Variants in PEBP4 observed in about 807,000 individuals in gnomAD.
The protein encoded by PEBP4 is phosphatidylethanolamine-binding protein 4.
PEBP4 carries 22 observed loss-of-function variants against 23.9 expected under a neutral mutation model. That is an observed-to-expected ratio of 0.92 (90% CI 0.66 to 1.31). The LOEUF is 1.31. Ranked by LOEUF, PEBP4 falls within the 40% of genes most tolerant of loss-of-function variation. PEBP4 has a pLI of 0.00. For synonymous variants in PEBP4, 112 were observed against 99.3 expected (o/e 1.13, Z -0.76); for missense variants, 324 against 281.7 (o/e 1.15, Z -1.07).
intron 1 of PEBP4, 45 bp from the exon 2 acceptor site, chr8:22,927,765 C>A (rs770071784): frequency 7.5e-6 from 12 of 1,608,114 alleles, no homozygotes; most frequent in East Asian, 2.2e-5. Context: ...CCTGCAGGGG[C>A]CTTCCTGCCC....
rs1019646208 is a variant in PEBP4 at position 22,775,808 on chromosome 8, G to A, written c.357+41829C>T. Among the ~76,000 whole-genome samples, 4 of 152,144 alleles carry A rather than the reference G, an allele frequency of 2.6e-5. No homozygotes were observed. Among genetic ancestry groups the A allele is most frequent in the African/African-American group, 4.8e-5 (2 of 41,440 alleles). On this transcript the variant is annotated intron_variant, in intron 4 of 6. Coordinates refer to ENST00000256404, the MANE Select transcript of PEBP4 (RefSeq NM_144962.3). The surrounding 1 kb of genome is among the most constrained non-coding windows in gnomAD (Gnocchi z 4.8). ...GTTGGGGAGGCGGGTTCTCCAGGCTGGAAGGGCTTCCGGAATCTCTGAGTG... is the reference window on the plus strand; with the variant it reads ...GTTGGGGAGGCGGGTTCTCCAGGCTAGAAGGGCTTCCGGAATCTCTGAGTG...
intron 4 of PEBP4, among the ~76,000 whole-genome samples, chr8:22,728,559 T>TTCCTTCCTTCCTTCCTTCCTC: frequency 1.0e-5 from 1 of 96,364 alleles, no homozygotes; most frequent in African/African-American, 4.6e-5. Context: ...TTTCTTTCTT[T>TTCCTTCCTTCCTTCCTTCCTC]CTTCCTTCCT....
intron 3 of PEBP4, among the ~76,000 whole-genome samples, chr8:22,832,090 A>G (rs1807095006): frequency 6.6e-6 from 1 of 152,166 alleles, no homozygotes; most frequent in South Asian, 2.1e-4. Context: ...TAGCAGACCA[A>G]TTCGTGTGAG....
At chr8:22,718,004 A>G (rs773695929) in intron 6 of PEBP4, among the ~76,000 whole-genome samples, 1 of 152,162 alleles carries the variant, frequency 6.6e-6, no homozygotes, top group African/African-American at 2.4e-5. Context: ...AATGACATCC[A>G]GAGACTTCCA....
chr8:22,745,218 A>G (rs1439719759), intron 4 of PEBP4, among the ~76,000 whole-genome samples: 1 of 152,148 alleles, frequency 6.6e-6, no homozygotes, highest in East Asian at 1.9e-4. Flanking sequence ...AAAGCTTTTG[A>G]GACAGGGACA....
intron 2 of PEBP4, among the ~76,000 whole-genome samples, chr8:22,926,157 T>C (rs1203259111): frequency 6.6e-6 from 1 of 151,886 alleles, no homozygotes; most frequent in Non-Finnish European, 1.5e-5. Flanking sequence ...TTTTTATTTT[T>C]AGTAGAGACA....
chr8:22,918,135 G>C (rs568327422), intron 3 of PEBP4, among the ~76,000 whole-genome samples: 1 of 152,192 alleles, frequency 6.6e-6, no homozygotes, highest in South Asian at 2.1e-4. Flanking sequence ...TGAAAGGTCC[G>C]AGTAGTGCCC....
intron 3 of PEBP4, among the ~76,000 whole-genome samples, chr8:22,833,551 C>T (rs1320447298): frequency 6.6e-6 from 1 of 152,134 alleles, no homozygotes; most frequent in Admixed American, 6.5e-5. Context: ...AGGCTAGCCT[C>T]GAACTCCTGA....
intron 3 of PEBP4, among the ~76,000 whole-genome samples, chr8:22,839,062 T>TA (rs1807267636): frequency 6.6e-6 from 1 of 152,170 alleles, no homozygotes; most frequent in Admixed American, 6.5e-5. Context: ...AAAAAAGTGT[T>TA]AAAAAATAAC....
intron 4 of PEBP4, among the ~76,000 whole-genome samples, chr8:22,765,900 C>G (rs1038966553): frequency 2.7e-5 from 4 of 150,258 alleles, no homozygotes; most frequent in African/African-American, 9.8e-5. Flanking sequence ...GGATCACCAC[C>G]ATTCATGGAT....
chr8:22,724,430 T>C (rs563036275), intron 6 of PEBP4, among the ~76,000 whole-genome samples: 2 of 152,208 alleles, frequency 1.3e-5, no homozygotes, highest in African/African-American at 2.4e-5. Context: ...CCCATGAGGA[T>C]AGACTGGCAG....
intron 4 of PEBP4, among the ~76,000 whole-genome samples, chr8:22,765,654 C>G (rs1051052192): frequency 6.6e-6 from 1 of 152,258 alleles, no homozygotes; most frequent in African/African-American, 2.4e-5. Context: ...GAGTCCTCTT[C>G]TACTCCAGGA....
chr8:22,743,986 C>T (rs1380087971), intron 4 of PEBP4, among the ~76,000 whole-genome samples: 1 of 152,248 alleles, frequency 6.6e-6, no homozygotes, highest in Non-Finnish European at 1.5e-5. Flanking sequence ...GGTGAGATCA[C>T]AGCCTGGGGG....
At chr8:22,860,191 T>A (rs1807742808) in intron 3 of PEBP4, among the ~76,000 whole-genome samples, 1 of 29,478 alleles carries the variant, frequency 3.4e-5, no homozygotes. Flanking sequence ...CACATATATA[T>A]GTATATATAT....
chr8:22,820,184 A>G (rs1806829034), intron 3 of PEBP4, among the ~76,000 whole-genome samples: 1 of 152,222 alleles, frequency 6.6e-6, no homozygotes, highest in African/African-American at 2.4e-5. Context: ...AGGCAAGTTT[A>G]TCAGGGGAAG....
chr8:22,903,108 C>T (rs1808743305), intron 3 of PEBP4, among the ~76,000 whole-genome samples: 1 of 152,170 alleles, frequency 6.6e-6, no homozygotes, highest in African/African-American at 2.4e-5. Context: ...GCCTTCTACT[C>T]CCATAGCTTA....
At chr8:22,767,250 A>T (rs1256960730) in intron 4 of PEBP4, among the ~76,000 whole-genome samples, 1 of 152,224 alleles carries the variant, frequency 6.6e-6, no homozygotes, top group Non-Finnish European at 1.5e-5. Context: ...AAATCATACC[A>T]CTTAGACTAG....
chr8:22,815,355 G>A (rs1199106466), intron 4 of PEBP4, among the ~76,000 whole-genome samples: 1 of 152,170 alleles, frequency 6.6e-6, no homozygotes, highest in Non-Finnish European at 1.5e-5. Context: ...GTAGTGCCTA[G>A]GCAGCTGCAT....
At chr8:22,925,435 C>T in intron 2 of PEBP4, 1 of 592,828 alleles carries the variant, frequency 1.7e-6, no homozygotes, top group South Asian at 7.3e-5. Flanking sequence ...GCTATGTAAA[C>T]ACTGTGGGCA....
Sources: gnomAD v4.1 joint callset for allele counts (sites outside exome capture counted in the v4.1 genomes callset) on GRCh38, gnomAD v4.1.1 for gene constraint, Gnocchi (gnomAD v3.1) non-coding constraint, MANE v1.5 for transcripts, NCBI Gene and HGNC (gene_info 2026-07-23, HGNC 2026-07-21) for gene names.